The following EVA1A variants were observed in gnomAD, a reference collection of about 807,000 sequenced individuals.
EVA1A encodes the protein protein eva-1 homolog A.
A neutral mutation model predicts 9.8 loss-of-function variants in EVA1A; 7 were observed. That is an observed-to-expected ratio of 0.71 (90% CI 0.41 to 1.34). The LOEUF (loss-of-function observed/expected upper bound fraction) is 1.34, where lower values mean the gene tolerates loss of function less well. Ranked by LOEUF, EVA1A falls within the 40% of genes most tolerant of loss-of-function variation. EVA1A has a pLI of 0.01. For synonymous variants in EVA1A, 90 were observed against 85.6 expected, an observed-to-expected ratio of 1.05 and a Z score of -0.28; for missense variants, 206 against 205.9, an observed-to-expected ratio of 1.00 and a Z score of 0.00.
At chr2:75,501,342 G>T (rs1312462389) in intron 3 of EVA1A, among the ~76,000 whole-genome samples, 4 of 152,174 alleles carry the variant, frequency 2.6e-5, no homozygotes, top group Non-Finnish European at 5.9e-5. Context: ...TCCTTCTTTT[G>T]TTAGTATGAA....
Position 75,492,337 on chromosome 2 carries a change from A to AT in EVA1A, c.*898dup, listed in dbSNP as rs1296350665. 6.8e-6 allele frequency: 1 copy of AT among 147,848 alleles called. No homozygotes were observed. The highest frequency in any genetic ancestry group is 2.0e-4 in the East Asian group (1 of 5,014). 9.2% of individuals were successfully genotyped at this position (147,848 alleles called of 1,614,324 possible). A position where few individuals can be genotyped will look rare whatever the true frequency, so the allele number is the denominator to read the frequency against. On this transcript the variant is annotated 3_prime_UTR_variant, in exon 4 of 4. Coordinates refer to ENST00000393913, the MANE Select transcript of EVA1A (RefSeq NM_001135032.2). ...ACCAAAAAGATTTTATGTAATGTTT[A>AT]TTTTTTTAATTCCCATCCTAACTTT...
intron 3 of EVA1A, among the ~76,000 whole-genome samples, chr2:75,494,174 C>T (rs1183621298): frequency 2.0e-5 from 3 of 152,128 alleles, no homozygotes; most frequent in African/African-American, 7.2e-5. Flanking sequence ...GCACAGGACA[C>T]CTATACATGG....
At chr2:75,528,735 AC>A (rs1426774668) in intron 1 of EVA1A, among the ~76,000 whole-genome samples, 1 of 151,712 alleles carries the variant, frequency 6.6e-6, no homozygotes, top group Non-Finnish European at 1.5e-5. Flanking sequence ...GCTCTATAGC[AC>A]CCCCCATTGC....
intron 1 of EVA1A, among the ~76,000 whole-genome samples, chr2:75,547,775 T>A (rs1335921921): frequency 6.6e-6 from 1 of 152,170 alleles, no homozygotes; most frequent in African/African-American, 2.4e-5. Flanking sequence ...CATCCTCCAA[T>A]TCAGCATTCA....
intron 3 of EVA1A, 101 bp downstream of exon 3, chr2:75,517,953 AGT>A: frequency 7.6e-7 from 1 of 1,309,292 alleles, no homozygotes. Flanking sequence ...TTGATTACGT[AGT>A]GTGTCTTTAC....
upstream of EVA1A, among the ~76,000 whole-genome samples, chr2:75,562,934 T>A (rs1212340548): frequency 6.6e-6 from 1 of 152,206 alleles, no homozygotes; most frequent in Admixed American, 6.5e-5. Flanking sequence ...CAGGTGCCAA[T>A]AGGTGAGCAC....
At chr2:75,558,255 C>CTAGTCTGCAGAGAAGGTACGCTAT (rs1676793016) in intron 1 of EVA1A, among the ~76,000 whole-genome samples, 2 of 152,208 alleles carry the variant, frequency 1.3e-5, no homozygotes, top group South Asian at 4.1e-4. Flanking sequence ...GTTAGTCATA[C>CTAGTCTGCAGAGAAGGTACGCTAT]TAGTCTGCAG....
At chr2:75,508,094 A>G (rs1244430039) in intron 3 of EVA1A, among the ~76,000 whole-genome samples, 1 of 152,168 alleles carries the variant, frequency 6.6e-6, no homozygotes, top group Non-Finnish European at 1.5e-5. Context: ...CTTTACTTTT[A>G]TCTCAATCCT....
At chr2:75,513,535 G>T (rs1674892161) in intron 3 of EVA1A, among the ~76,000 whole-genome samples, 1 of 152,044 alleles carries the variant, frequency 6.6e-6, no homozygotes, top group Non-Finnish European at 1.5e-5. Flanking sequence ...CTCTGACTGG[G>T]TATATACCCA....
chr2:75,539,915 G>C (rs1676051030), intron 1 of EVA1A, among the ~76,000 whole-genome samples: 1 of 152,194 alleles, frequency 6.6e-6, no homozygotes, highest in Non-Finnish European at 1.5e-5. Context: ...CCAGGAGCCA[G>C]AGTCACCAGG....
In EVA1A at chr2:75,556,154, T is replaced by C. The variant is rs116478420; in HGVS notation, c.-192+4526A>G. Among the ~76,000 whole-genome samples the C allele has an allele frequency of 2.8e-3, 429 of 152,362 alleles. 5 individuals carry two copies. Among genetic ancestry groups the C allele is most frequent in the Middle Eastern group, 0.01 (3 of 294 alleles). On this transcript the variant is annotated intron_variant, in intron 1 of 3. Transcript: ENST00000393913. ...CACGTGTATTCCAAGTCCACACTAATACCTCAAGGTTCTGCCACCACTCTA... is the reference window on the plus strand; with the variant it reads ...CACGTGTATTCCAAGTCCACACTAACACCTCAAGGTTCTGCCACCACTCTA...
At chr2:75,515,826 T>C (rs1403990152) in intron 3 of EVA1A, among the ~76,000 whole-genome samples, 4 of 152,130 alleles carry the variant, frequency 2.6e-5, no homozygotes, top group Non-Finnish European at 5.9e-5. Flanking sequence ...ACGTGCCTTC[T>C]TCTGTCTCCA....
chr2:75,522,748 C>T (rs575545942), intron 1 of EVA1A, among the ~76,000 whole-genome samples: 19 of 152,240 alleles, frequency 1.2e-4, no homozygotes, highest in Non-Finnish European at 2.8e-4. Context: ...AAGAAACATG[C>T]TTCCTCTCTG....
chr2:75,493,415 C>T lies in EVA1A; in HGVS notation c.280G>A (p.Asp94Asn), dbSNP rs375502760. 89 of 1,614,200 alleles carry T rather than the reference C, an allele frequency of 5.5e-5. No homozygotes were observed. The Admixed American group carries it at 1.4e-3, about 25-fold the overall frequency. Residue 94 changes from aspartate to asparagine, a missense_variant, in exon 4 of 4, where the codon GAT (aspartate) becomes AAT (asparagine). By Grantham distance (23) the Asp-to-Asn change is conservative. Transcript: ENST00000393913. ...CGGCGGTGTCTCCGCACGGAGAGATCGGACACGGTGTCCTCACTGCCATCC... is the reference window on the plus strand; with the variant it reads ...CGGCGGTGTCTCCGCACGGAGAGATTGGACACGGTGTCCTCACTGCCATCC... Reference protein sequence around the residue: ...SEDGSEDTVSDLSVRRHRRFE... With the variant: ...SEDGSEDTVSNLSVRRHRRFE...
intron 1 of EVA1A, among the ~76,000 whole-genome samples, chr2:75,529,849 A>C (rs1406817578): frequency 6.6e-6 from 1 of 152,190 alleles, no homozygotes; most frequent in African/African-American, 2.4e-5. Flanking sequence ...GAGAAACAAG[A>C]ACAAACCAAA....
At chr2:75,500,113 A>G (rs1009641691) in intron 3 of EVA1A, among the ~76,000 whole-genome samples, 1 of 152,106 alleles carries the variant, frequency 6.6e-6, no homozygotes, top group Non-Finnish European at 1.5e-5. Context: ...CACTGCCCGG[A>G]GTGCAAAAAT....
chr2:75,502,029 C>A (rs184948181), intron 3 of EVA1A, among the ~76,000 whole-genome samples: 1 of 152,186 alleles, frequency 6.6e-6, no homozygotes, highest in Non-Finnish European at 1.5e-5. Context: ...AAAGATGACA[C>A]GACAGAGAAA....
chr2:75,514,529 T>C (rs796257177), intron 3 of EVA1A, among the ~76,000 whole-genome samples: 5 of 152,244 alleles, frequency 3.3e-5, no homozygotes, highest in African/African-American at 1.2e-4. Context: ...GTAATATCAA[T>C]GAATTGTTAT....
chr2:75,528,838 G>A (rs2103884433), intron 1 of EVA1A, among the ~76,000 whole-genome samples: 1 of 152,290 alleles, frequency 6.6e-6, no homozygotes, highest in African/African-American at 2.4e-5. Flanking sequence ...GCTCCTGGCT[G>A]GAGGGCAACC....
Sources: gnomAD v4.1 joint callset for allele counts (sites outside exome capture counted in the v4.1 genomes callset) on GRCh38, gnomAD v4.1.1 for gene constraint, MANE v1.5 for transcripts, NCBI Gene and HGNC (gene_info 2026-07-23, HGNC 2026-07-21) for gene names.